The following FBN3 variants were observed in gnomAD, a reference collection of about 807,000 sequenced individuals.
The protein encoded by FBN3 is fibrillin-3.
FBN3 carries 234 observed loss-of-function variants against 330.1 expected under a neutral mutation model. The ratio of observed to expected loss-of-function variants is 0.71; its 90% CI spans 0.64 to 0.79. The LOEUF is 0.79. Among genes scored for constraint, FBN3 ranks in the 30% least tolerant of loss-of-function variants. FBN3 has a pLI of 0.00. For missense variants in FBN3, 3,606 were observed against 3,886.9 expected, an observed-to-expected ratio of 0.93 and a Z score of 1.92; for synonymous variants, 1,458 against 1,517.3, an observed-to-expected ratio of 0.96 and a Z score of 0.91.
At position 8,109,859 on chromosome 19, in the gene FBN3, G is replaced by C; in HGVS notation, c.4334-106C>G. The C allele has an allele frequency of 1.6e-6, 2 of 1,263,272 alleles. No individual in the cohort carries two copies. Among genetic ancestry groups the C allele is most frequent in the South Asian group, 3.9e-5 (2 of 50,770 alleles). The allele number at this position is 1,263,272 out of a possible 1,614,324, so 78.3% of individuals were successfully genotyped here. A position where few individuals can be genotyped will look rare whatever the true frequency, so the allele number is the denominator to read the frequency against. On this transcript the variant is annotated intron_variant, in intron 34 of 63. Coordinates refer to ENST00000600128, the MANE Select transcript of FBN3 (RefSeq NM_032447.5). This position sits in a 1 kb window ranked among gnomAD's most constrained non-coding sequence, Gnocchi z 5.2. ...AGCCCTCGCTCAAGGTCAACTCCTGGGCACCAGATTGTGGGACAATGTCAT... is the reference window on the plus strand; with the variant it reads ...AGCCCTCGCTCAAGGTCAACTCCTGCGCACCAGATTGTGGGACAATGTCAT...
intron 62 of FBN3, 77 bp downstream of exon 62, chr19:8,072,966 CGTGTGTGTGTGTGTGTGTGT>C (rs60155490): frequency 4.7e-6 from 3 of 645,154 alleles, no homozygotes; most frequent in Non-Finnish European, 8.0e-6. Context: ...CACAAAGCCC[CGTGTGTGTGTGTGTGTGTGT>C]GTGTGTGTGT....
intron 34 of FBN3, among the ~76,000 whole-genome samples, chr19:8,110,056 G>A (rs560922996): frequency 2.4e-4 from 36 of 152,014 alleles, no homozygotes; most frequent in African/African-American, 6.5e-4. Context: ...TTTTATTTCC[G>A]TAATTTATTG....
Position 8,117,304 on chromosome 19 carries a change from G to C in FBN3, c.3464-13C>G, listed in dbSNP as rs754093470. The C allele has an allele frequency of 2.5e-6, 4 of 1,611,244 alleles. No individual in the cohort carries two copies. The East Asian group carries it at 8.9e-5, about 36-fold the overall frequency. On this transcript the variant is annotated splice_polypyrimidine_tract_variant and intron_variant, in intron 27 of 63. Coordinates refer to ENST00000600128, the MANE Select transcript of FBN3 (RefSeq NM_032447.5). ...CATTCGTTGATGTCTGCAGGATGCA[G>C]GGCAGACAGGGGCTGGGGCTGGGGG...
intron 51 of FBN3, among the ~76,000 whole-genome samples, chr19:8,088,841 G>A (rs1390693307): frequency 6.6e-6 from 1 of 152,208 alleles, no homozygotes; most frequent in Non-Finnish European, 1.5e-5. Context: ...GTGAATGAAT[G>A]AGGGAGCAAA....
intron 13 of FBN3, 25 bp downstream of exon 13, chr19:8,135,936 G>GGGGGGGGGGCCCCCCCCCCCC: frequency 6.0e-6 from 4 of 668,762 alleles, no homozygotes; most frequent in East Asian, 3.9e-5. Flanking sequence ...GGAAGCCCCT[G>GGGGGGGGGGCCCCCCCCCCCC]CCCACCCGCC....
At chr19:8,140,036 C>T (rs150607182) in intron 8 of FBN3, among the ~76,000 whole-genome samples, 126 of 152,024 alleles carry the variant, frequency 8.3e-4, no homozygotes, top group African/African-American at 2.8e-3. Flanking sequence ...CCTGCCCAGA[C>T]GAGGAGAGAT....
intron 40 of FBN3, among the ~76,000 whole-genome samples, chr19:8,102,277 T>C (rs1435834236): frequency 2.0e-5 from 3 of 151,852 alleles, no homozygotes; most frequent in Non-Finnish European, 2.9e-5. Context: ...CGCAGTGGCA[T>C]GATCGCGGCT....
At position 8,131,209 on chromosome 19, in the gene FBN3, G is replaced by A. The variant is rs371312277; in HGVS notation, c.2044+26C>T. On this transcript the variant is annotated intron_variant, in intron 16 of 63. Coordinates refer to ENST00000600128, the MANE Select transcript of FBN3 (RefSeq NM_032447.5). This position sits in a 1 kb window ranked among gnomAD's most constrained non-coding sequence, Gnocchi z 4.5. ...ATCTGGTAGGGGCAGGCTGGCTGCT[G>A]TTTGGAGGGGCTGGGCTCCACTTAC... is the stretch of plus-strand genomic sequence containing the variant. The A allele has an allele frequency of 5.0e-6, 8 of 1,600,680 alleles. No homozygotes were observed. Among genetic ancestry groups the A allele is most frequent in the South Asian group, 1.1e-5 (1 of 88,070 alleles).
At position 8,144,972 on chromosome 19, in the gene FBN3, G is replaced by A. The variant is rs377044658; in HGVS notation, c.446C>T (p.Pro149Leu). Reference protein sequence around the residue: ...KGYTGTVCGQPICDRGCHNGG... With the variant: ...KGYTGTVCGQLICDRGCHNGG... Reference sequence around the variant, plus strand: ...ATTGTGGCAGCCGCGGTCACAGATGGCTGTGGAGGAGAGAGGGTGATGGCT... The same window carrying A: ...ATTGTGGCAGCCGCGGTCACAGATGACTGTGGAGGAGAGAGGGTGATGGCT... Residue 149 changes from proline to leucine, a missense_variant and splice_region_variant, in exon 6 of 64, where the codon CCC (proline) becomes CTC (leucine). Transcript: ENST00000600128. 3.7e-6 allele frequency: 6 copies of A among 1,607,998 alleles called. No homozygotes were observed. Among genetic ancestry groups the A allele is most frequent in the Non-Finnish European group, 5.1e-6 (6 of 1,178,294 alleles).
chr19:8,127,064 T>G (rs866388621), intron 18 of FBN3, among the ~76,000 whole-genome samples: 2 of 148,396 alleles, frequency 1.3e-5, no homozygotes, highest in Middle Eastern at 3.4e-3. Context: ...TTTTTGTTTT[T>G]TTTTTTTTTT....
chr19:8,089,865 G>A, intron 50 of FBN3, 29 bp downstream of exon 50: 1 of 1,576,354 alleles, frequency 6.3e-7, no homozygotes, highest in Non-Finnish European at 8.6e-7. Context: ...GCCCAGAAGG[G>A]GCTCTTAGCA....
chr19:8,073,000 T>TGTGTGC (rs1268154685), intron 62 of FBN3, 63 bp downstream of exon 62: 543 of 915,556 alleles, frequency 5.9e-4, no homozygotes, highest in Non-Finnish European at 8.3e-4. Context: ...TGTGTGTGTG[T>TGTGTGC]GTGCGTGCGT....
rs2082982486 is a variant in FBN3, at chr19:8,126,350, GC to G, written c.2555-4del. 1 of 1,589,760 alleles carries G rather than the reference GC, an allele frequency of 6.3e-7. No homozygotes were observed. Among genetic ancestry groups the G allele is most frequent in the Non-Finnish European group, 8.5e-7 (1 of 1,169,726 alleles). On this transcript the variant is annotated splice_region_variant and splice_polypyrimidine_tract_variant and intron_variant, in intron 20 of 63. Coordinates refer to ENST00000600128, the MANE Select transcript of FBN3 (RefSeq NM_032447.5). ...AAAGCCCCGGGCACAGGCAGGGTCTGCAACTGGGAGAACAAGAGTGAAGAGA... is the reference window on the plus strand; with the variant it reads ...AAAGCCCCGGGCACAGGCAGGGTCTGAACTGGGAGAACAAGAGTGAAGAGA...
intron 63 of FBN3, among the ~76,000 whole-genome samples, chr19:8,066,677 G>A (rs1180035486): frequency 6.6e-6 from 1 of 151,792 alleles, no homozygotes; most frequent in East Asian, 2.0e-4. Context: ...TCAGGAGTTC[G>A]AGACCATCCT....
intron 51 of FBN3, among the ~76,000 whole-genome samples, chr19:8,089,327 G>C (rs769694255): frequency 2.6e-5 from 4 of 152,186 alleles, no homozygotes; most frequent in Non-Finnish European, 5.9e-5. Context: ...ATGAGTAAAT[G>C]AATAAGTGAG....
rs773094791 is a variant in FBN3, at chr19:8,108,190, C to T, written c.4667G>A (p.Arg1556His). 4.2e-5 allele frequency: 68 copies of T among 1,612,330 alleles called. No homozygotes were observed. Among genetic ancestry groups the T allele is most frequent in the Non-Finnish European group, 5.2e-5 (61 of 1,179,444 alleles). Reference protein sequence around the residue: ...CPGGEGFQPNRITVILEDIDE... With the variant: ...CPGGEGFQPNHITVILEDIDE... ...CTCACCTTCCAGAATGACAGTGATG[C>T]GGTTAGGCTGGAAGCCCTCACCACC... The change falls in exon 37 of 64, where the codon CGC (arginine) becomes CAC (histidine). Residue 1556 changes from arginine (R) to histidine (H), a missense_variant. By Grantham distance (29) the Arg-to-His change is conservative. Transcript: ENST00000600128.
chr19:8,122,956 C>T (rs1291692887), intron 24 of FBN3, among the ~76,000 whole-genome samples: 2 of 151,788 alleles, frequency 1.3e-5, no homozygotes, highest in Non-Finnish European at 2.9e-5. Context: ...AGCCACCGCG[C>T]CCAGCCCAGC....
At chr19:8,135,936 G>GGGGGGGGGGGGGGCGCCCCCCCCCC in intron 13 of FBN3, 25 bp downstream of exon 13, 2 of 668,772 alleles carry the variant, frequency 3.0e-6, no homozygotes, top group East Asian at 3.9e-5. Context: ...GGAAGCCCCT[G>GGGGGGGGGGGGGGCGCCCCCCCCCC]CCCACCCGCC....
At chr19:8,141,511 C>A (rs74991001) in intron 8 of FBN3, among the ~76,000 whole-genome samples, 5,498 of 152,218 alleles carry the variant, frequency 0.036, 130 homozygotes, top group Non-Finnish European at 0.057. Context: ...CAGGTGCACA[C>A]GTAGCTCCCG....
Sources: allele counts gnomAD v4.1 joint callset (sites outside exome capture counted in the v4.1 genomes callset), GRCh38; gene constraint gnomAD v4.1.1; non-coding constraint Gnocchi (gnomAD v3.1); transcripts MANE v1.5; gene names NCBI Gene and HGNC (gene_info 2026-07-23, HGNC 2026-07-21).